Variants in GALNT1 observed in about 807,000 individuals in gnomAD.
GALNT1 encodes the protein GalNAc transferase 1.
A neutral mutation model predicts 65.7 loss-of-function variants in GALNT1; 17 were observed. That is an observed-to-expected ratio of 0.26 (90% confidence interval 0.18 to 0.39). The LOEUF is 0.39. Among genes scored for constraint, GALNT1 ranks in the 10% least tolerant of loss-of-function variants. GALNT1 has a pLI of 1.00. For missense variants in GALNT1, 460 were observed against 672.8 expected (o/e 0.68, Z 3.50); for synonymous variants, 210 against 219.7 (o/e 0.96, Z 0.39).
At chr18:35,630,534 T>C (rs968821393) in intron 1 of GALNT1, among the ~76,000 whole-genome samples, 2 of 152,154 alleles carry the variant, frequency 1.3e-5, no homozygotes, top group Non-Finnish European at 2.9e-5. Flanking sequence ...TACCAGAATC[T>C]CTGGGACACA....
intron 3 of GALNT1, among the ~76,000 whole-genome samples, chr18:35,670,225 G>A (rs923227160): frequency 2.0e-5 from 3 of 151,942 alleles, no homozygotes; most frequent in African/African-American, 7.3e-5. Context: ...TCAGGAGTTC[G>A]AGATTGCAGT....
At chr18:35,631,854 C>T (rs2047015751) in intron 1 of GALNT1, among the ~76,000 whole-genome samples, 1 of 152,182 alleles carries the variant, frequency 6.6e-6, no homozygotes, top group South Asian at 2.1e-4. Flanking sequence ...GCAACTTCAG[C>T]AAAGTCTCAG....
At chr18:35,684,767 C>A (rs534229363) in intron 5 of GALNT1, among the ~76,000 whole-genome samples, 1 of 152,328 alleles carries the variant, frequency 6.6e-6, no homozygotes, top group South Asian at 2.1e-4. Context: ...AATGTGCAGT[C>A]CAAACACTAA....
intron 1 of GALNT1, among the ~76,000 whole-genome samples, chr18:35,590,199 C>T (rs1293198375): frequency 3.9e-5 from 6 of 152,150 alleles, no homozygotes; most frequent in East Asian, 1.9e-4. Flanking sequence ...GATGTAGCAG[C>T]GGTGATGAGA....
intron 1 of GALNT1, among the ~76,000 whole-genome samples, chr18:35,628,931 A>T (rs879710221): frequency 6.6e-6 from 1 of 152,264 alleles, no homozygotes; most frequent in Admixed American, 6.5e-5. Flanking sequence ...CGCAAGCTTC[A>T]GTAGCTGATT....
At chr18:35,636,750 C>G (rs2047093569) in intron 1 of GALNT1, among the ~76,000 whole-genome samples, 1 of 121,100 alleles carries the variant, frequency 8.3e-6, no homozygotes, top group African/African-American at 3.1e-5. Context: ...TGTTATTGTA[C>G]TTTGTTTTAT....
At chr18:35,678,378 C>A (rs763405139) in intron 4 of GALNT1, among the ~76,000 whole-genome samples, 5 of 152,074 alleles carry the variant, frequency 3.3e-5, no homozygotes, top group Non-Finnish European at 5.9e-5. Flanking sequence ...GAATTTTTCA[C>A]AAGGCTAAAA....
Position 35,620,659 on chromosome 18 carries a change from G to A in GALNT1, c.-103-33901G>A, listed in dbSNP as rs190486439. 8.5e-5 allele frequency among the ~76,000 whole-genome samples: 13 copies of A among 152,156 alleles called. No individual in the cohort carries two copies. In the East Asian group the frequency reaches 2.3e-3, roughly 27 times the overall value. On this transcript the variant is annotated intron_variant, in intron 1 of 11. Transcript: ENST00000269195. Reference sequence around the variant, plus strand: ...TAATGGAACATATTGTACATATTCTGTAAATCACTTTTGTCTCATTCATCA... The same window carrying A: ...TAATGGAACATATTGTACATATTCTATAAATCACTTTTGTCTCATTCATCA...
intron 3 of GALNT1, among the ~76,000 whole-genome samples, chr18:35,667,510 A>G (rs1275238383): frequency 6.6e-6 from 1 of 152,330 alleles, no homozygotes; most frequent in East Asian, 1.9e-4. Flanking sequence ...AACATAAACA[A>G]TGATACTTTC....
chr18:35,688,651 G>GTAT (rs1342686642), intron 6 of GALNT1, among the ~76,000 whole-genome samples: 2 of 151,930 alleles, frequency 1.3e-5, no homozygotes, highest in Non-Finnish European at 2.9e-5. Context: ...TTTCTAGTGG[G>GTAT]TATTAGGAAA....
intron 1 of GALNT1, among the ~76,000 whole-genome samples, chr18:35,616,390 T>C (rs576534990): frequency 8.9e-4 from 135 of 152,302 alleles, no homozygotes; most frequent in African/African-American, 3.0e-3. Flanking sequence ...AGTATTGTTA[T>C]ACAGTGCCCA....
chr18:35,588,312 AT>A (rs2046400856), intron 1 of GALNT1, among the ~76,000 whole-genome samples: 4 of 151,874 alleles, frequency 2.6e-5, no homozygotes, highest in Admixed American at 2.6e-4. Context: ...CATTCTAATA[AT>A]TTTTCCTCTG....
chr18:35,701,101 T>C lies in GALNT1; in HGVS notation c.1300-1796T>C, dbSNP rs188895774. 2.9e-3 allele frequency among the ~76,000 whole-genome samples: 434 copies of C among 152,254 alleles called. 1 individual carries two copies. The highest frequency in any genetic ancestry group is 9.7e-3 in the African/African-American group (401 of 41,548). ...TTTTTTTTCTTTAAGAGACAGGGCC[T>C]TGCTCTGTCACTTAAGTTGAAGTGC... On this transcript the variant is annotated intron_variant, in intron 9 of 11. Coordinates refer to ENST00000269195, the MANE Select transcript of GALNT1 (RefSeq NM_020474.4).
chr18:35,636,779 C>CTTTT (rs1292356376), intron 1 of GALNT1, among the ~76,000 whole-genome samples: 1 of 97,792 alleles, frequency 1.0e-5, no homozygotes, highest in African/African-American at 4.0e-5. Context: ...ACAGATACTA[C>CTTTT]TTTGTTTTTT....
intron 3 of GALNT1, among the ~76,000 whole-genome samples, chr18:35,676,270 C>T (rs1357953005): frequency 1.3e-5 from 2 of 151,168 alleles, no homozygotes; most frequent in African/African-American, 4.9e-5. Context: ...GGAGACCATC[C>T]TGTGAAAGGG....
intron 1 of GALNT1, among the ~76,000 whole-genome samples, chr18:35,615,652 A>G (rs1250721034): frequency 6.6e-6 from 1 of 152,214 alleles, no homozygotes; most frequent in Non-Finnish European, 1.5e-5. Context: ...TTTTGCATAC[A>G]AAGGATAAGG....
chr18:35,680,458 G>T (rs1379477327), intron 4 of GALNT1, among the ~76,000 whole-genome samples: 1 of 152,150 alleles, frequency 6.6e-6, no homozygotes, highest in African/African-American at 2.4e-5. Flanking sequence ...TACTTTGTCA[G>T]GTCTATTTGC....
intron 1 of GALNT1, among the ~76,000 whole-genome samples, chr18:35,612,342 A>G (rs2046727901): frequency 6.6e-6 from 1 of 152,322 alleles, no homozygotes; most frequent in Admixed American, 6.5e-5. Context: ...TTAAAATTCA[A>G]AAGAACTGCC....
intron 1 of GALNT1, among the ~76,000 whole-genome samples, chr18:35,589,639 T>C (rs2046420247): frequency 6.6e-6 from 1 of 152,214 alleles, no homozygotes; most frequent in African/African-American, 2.4e-5. Flanking sequence ...CTAGCCTTCT[T>C]CTCTCCACAG....
Sources: gnomAD v4.1 joint callset for allele counts (sites outside exome capture counted in the v4.1 genomes callset) on GRCh38, gnomAD v4.1.1 for gene constraint, MANE v1.5 for transcripts, NCBI Gene and HGNC (gene_info 2026-07-23, HGNC 2026-07-21) for gene names.